ZMYND8: variants seen among roughly 807,000 people sequenced by gnomAD.
ZMYND8 encodes the protein zinc finger MYND-type containing 8, also known as MYND-type zinc finger-containing chromatin reader ZMYND8.
ZMYND8 carries 37 observed loss-of-function variants against 140.8 expected under a neutral mutation model. The observed-to-expected ratio is 0.26, with a 90% CI of 0.20 to 0.35. The LOEUF is 0.35. ZMYND8 is among the 10% of genes least tolerant of loss of function. The probability of loss-of-function intolerance (pLI) is 1.00; values close to 1 mark genes in which losing one functional copy is unlikely to be tolerated. For synonymous variants in ZMYND8, 592 were observed against 597.1 expected, an observed-to-expected ratio of 0.99 and a Z score of 0.12; for missense variants, 1,068 against 1,570.0, an observed-to-expected ratio of 0.68 and a Z score of 5.40.
chr20:47,311,683 A>AAGGTAAAACCC (rs2078944890), intron 2 of ZMYND8, among the ~76,000 whole-genome samples: 1 of 152,162 alleles, frequency 6.6e-6, no homozygotes, highest in Non-Finnish European at 1.5e-5. Flanking sequence ...CCTGGCCAAT[A>AAGGTAAAACCC]AGGTAAAACC....
intron 3 of ZMYND8, among the ~76,000 whole-genome samples, chr20:47,306,625 T>C (rs568506034): frequency 2.0e-5 from 3 of 150,116 alleles, no homozygotes; most frequent in African/African-American, 7.4e-5. Context: ...GGCTGCAGTG[T>C]GGTGACACGA....
chr20:47,224,648 G>C (rs2037429040), intron 18 of ZMYND8, 92 bp from the exon 19 acceptor site: 1 of 1,567,922 alleles, frequency 6.4e-7, no homozygotes, highest in Admixed American at 1.7e-5. Flanking sequence ...AGACGTGGAT[G>C]CAAGACCTGG....
rs560258610 is a variant in ZMYND8 at position 47,298,283 on chromosome 20, C to A, written c.453+446G>T. On this transcript the variant is annotated intron_variant, in intron 4 of 22. Coordinates refer to ENST00000471951, the MANE Select transcript of ZMYND8 (RefSeq NM_001281775.3). This position sits in a 1 kb window ranked among gnomAD's most constrained non-coding sequence, Gnocchi z 5.0. ...TTGTTGCACAAAAGAAAGCACCAGACGGCCACTACAGGGAACATGCAACCA... is the reference window on the plus strand; with the variant it reads ...TTGTTGCACAAAAGAAAGCACCAGAAGGCCACTACAGGGAACATGCAACCA... 4.1e-6 allele frequency: 4 copies of A among 985,372 alleles called. No individual in the cohort carries two copies. The highest frequency in any genetic ancestry group is 4.8e-6 in the Non-Finnish European group (4 of 829,916). The allele number at this position is 985,372 out of a possible 1,614,324, so 61.0% of individuals were successfully genotyped here. A position where few individuals can be genotyped will look rare whatever the true frequency, so the allele number is the denominator to read the frequency against.
In ZMYND8 at chr20:47,210,052, C is replaced by G. The variant is rs773475200; in HGVS notation, c.*709G>C. ...GGCTTGTTTGTTTCTCTTCTGTAAA[C>G]AAGGATATTGTTTTTTCCCTTTTAG... On this transcript the variant is annotated 3_prime_UTR_variant, in exon 23 of 23. Transcript: ENST00000471951. The G allele has an allele frequency of 1.3e-5, 2 of 152,622 alleles. No individual in the cohort carries two copies. Among genetic ancestry groups the G allele is most frequent in the Non-Finnish European group, 2.9e-5 (2 of 68,052 alleles). The allele number at this position is 152,622 out of a possible 1,614,324, so 9.5% of individuals were successfully genotyped here.
chr20:47,348,222 G>A, intron 1 of ZMYND8: 1 of 401,446 alleles, frequency 2.5e-6, no homozygotes, highest in Non-Finnish European at 4.6e-6. Flanking sequence ...TACCCCTGTG[G>A]GCCAATGAGA....
intron 8 of ZMYND8, among the ~76,000 whole-genome samples, chr20:47,284,769 C>T (rs1322598814): frequency 6.6e-6 from 1 of 152,084 alleles, no homozygotes; most frequent in Non-Finnish European, 1.5e-5. Flanking sequence ...CCTAGAATAA[C>T]ATTGTAGCTT....
chr20:47,347,764 G>A (rs1250077010), intron 2 of ZMYND8, 92 bp downstream of exon 2: 1 of 1,271,430 alleles, frequency 7.9e-7, no homozygotes, highest in East Asian at 2.3e-5. Context: ...CGTCGGCTCA[G>A]AGAGCCACAC....
At chr20:47,302,227 C>T (rs1186099797) in intron 3 of ZMYND8, among the ~76,000 whole-genome samples, 8 of 152,064 alleles carry the variant, frequency 5.3e-5, no homozygotes, top group African/African-American at 1.7e-4. Flanking sequence ...GTAATGTCAG[C>T]ACTTTGGGAG....
chr20:47,321,081 T>A (rs941723584), intron 2 of ZMYND8, among the ~76,000 whole-genome samples: 2 of 152,194 alleles, frequency 1.3e-5, no homozygotes, highest in Non-Finnish European at 2.9e-5. Flanking sequence ...GCTGGACTCC[T>A]CTGAATTATT....
At chr20:47,236,756 C>T (rs1568946766) in intron 15 of ZMYND8, among the ~76,000 whole-genome samples, 1 of 152,150 alleles carries the variant, frequency 6.6e-6, no homozygotes, top group African/African-American at 2.4e-5. Context: ...GCTAGGATGA[C>T]CCCAACCCCC....
intron 2 of ZMYND8, among the ~76,000 whole-genome samples, chr20:47,336,341 G>C (rs1181835210): frequency 6.6e-6 from 1 of 152,128 alleles, no homozygotes; most frequent in Non-Finnish European, 1.5e-5. Context: ...AATATCCTGG[G>C]CTTCCGCTGC....
chr20:47,284,689 C>T (rs76883774), intron 8 of ZMYND8, among the ~76,000 whole-genome samples: 1,695 of 152,210 alleles, frequency 0.011, 31 homozygotes, highest in African/African-American at 0.039. Context: ...TATTTCAGCT[C>T]CACTGACGAC....
At chr20:47,315,060 C>G (rs2079270731) in intron 2 of ZMYND8, among the ~76,000 whole-genome samples, 1 of 152,058 alleles carries the variant, frequency 6.6e-6, no homozygotes, top group Non-Finnish European at 1.5e-5. Flanking sequence ...TCAGGGCCCC[C>G]AGAGGATGTT....
At chr20:47,283,432 A>G (rs750271388) in intron 9 of ZMYND8, 139 bp downstream of exon 9, 5 of 847,530 alleles carry the variant, frequency 5.9e-6, no homozygotes, top group Non-Finnish European at 9.3e-6. Context: ...TCCTTCTGCC[A>G]TAATTTTATC....
chr20:47,334,537 T>G (rs1230345487), intron 2 of ZMYND8, among the ~76,000 whole-genome samples: 1 of 151,324 alleles, frequency 6.6e-6, no homozygotes, highest in Non-Finnish European at 1.5e-5. Context: ...GTATGAAGTT[T>G]CTTATTGGGG....
At chr20:47,239,571 C>A (rs1263998999) in intron 14 of ZMYND8, among the ~76,000 whole-genome samples, 4 of 152,344 alleles carry the variant, frequency 2.6e-5, no homozygotes, top group East Asian at 1.9e-4. Flanking sequence ...AAGAGCAATT[C>A]TTTGGCTAGG....
chr20:47,220,529 G>A (rs1419183223), intron 20 of ZMYND8, among the ~76,000 whole-genome samples: 1 of 152,180 alleles, frequency 6.6e-6, no homozygotes, highest in African/African-American at 2.4e-5. Flanking sequence ...TGAACAGACT[G>A]GAACGCAGCA....
intron 2 of ZMYND8, among the ~76,000 whole-genome samples, chr20:47,345,775 C>G (rs1409382016): frequency 1.4e-5 from 2 of 143,610 alleles, no homozygotes; most frequent in African/African-American, 2.6e-5. Context: ...TCCCAAAGTG[C>G]TAAGATTACA....
At chr20:47,292,088 A>G (rs1369910555) in intron 5 of ZMYND8, among the ~76,000 whole-genome samples, 200 bp from the exon 6 acceptor site, 1 of 152,212 alleles carries the variant, frequency 6.6e-6, no homozygotes, top group African/African-American at 2.4e-5. Context: ...TATAAGCCCA[A>G]TTGTGATCCA....
Sources: gnomAD v4.1 joint callset for allele counts (sites outside exome capture counted in the v4.1 genomes callset) on GRCh38, gnomAD v4.1.1 for gene constraint, Gnocchi (gnomAD v3.1) non-coding constraint, MANE v1.5 for transcripts, NCBI Gene and HGNC (gene_info 2026-07-23, HGNC 2026-07-21) for gene names.